The following AVPR1B variants were observed in gnomAD, a reference collection of about 807,000 sequenced individuals.
AVPR1B encodes arginine vasopressin receptor 1B.
AVPR1B carries 25 observed loss-of-function variants against 27.5 expected under a neutral mutation model. That is an observed-to-expected ratio of 0.91 (90% CI 0.66 to 1.27). AVPR1B has a LOEUF of 1.27. Among genes scored for constraint, AVPR1B ranks in the 50% most tolerant of loss-of-function variants. AVPR1B has a pLI of 0.00. For synonymous variants in AVPR1B, 248 were observed against 240.2 expected, an observed-to-expected ratio of 1.03 and a Z score of -0.30; for missense variants, 595 against 556.9, an observed-to-expected ratio of 1.07 and a Z score of -0.69.
At position 206,116,663 on chromosome 1, in the gene AVPR1B, T is replaced by A; in HGVS notation, c.228A>T (p.Leu76Phe). 1 of 1,611,920 alleles carries A rather than the reference T, an allele frequency of 6.2e-7. No individual in the cohort carries two copies. The highest frequency in any genetic ancestry group is 8.5e-7 in the Non-Finnish European group (1 of 1,178,958). ...GCGCCACGGCCAGGTCTGTCAGGGC[T>A]AAGTGCAGCACGAACAGGTGCATGC... Reference protein sequence around the residue: ...RSRMHLFVLHLALTDLAVALF... With the variant: ...RSRMHLFVLHFALTDLAVALF... Residue 76 changes from leucine (L) to phenylalanine (F), a missense_variant, in exon 1 of 2, where the codon TTA becomes TTT. By Grantham distance (22) the Leu-to-Phe change is conservative. Coordinates refer to ENST00000367126, the MANE Select transcript of AVPR1B (RefSeq NM_000707.5).
In AVPR1B at chr1:206,110,554, A is replaced by G. The variant is rs1411413306; in HGVS notation, c.941-31T>C. ...AAGAGAGAAGCATGAGAAGCCTCAG[A>G]ATGGCAGCTCGAAGGGACCTGGGAG... On this transcript the variant is annotated intron_variant, in intron 1 of 1. Coordinates refer to ENST00000367126, the MANE Select transcript of AVPR1B (RefSeq NM_000707.5). 6 of 1,564,498 alleles carry G rather than the reference A, an allele frequency of 3.8e-6. No homozygotes were observed. The African/African-American group carries it at 8.1e-5, about 21-fold the overall frequency.
In AVPR1B at chr1:206,110,279, T is replaced by TAGGCTGAGGCTG; in HGVS notation, c.1173_1184dup (p.Ser392_Leu395dup). 6.2e-7 allele frequency: 1 copy of TAGGCTGAGGCTG among 1,613,964 alleles called. No individual in the cohort carries two copies. The highest frequency in any genetic ancestry group is 8.5e-7 in the Non-Finnish European group (1 of 1,179,994). ...CAGGCCTGGGCCTCCCACTGAGGGT[T>TAGGCTGAGGCTG]AGGCTGAGGCTGAGGCTGAGGGTGG... On this transcript the variant is annotated inframe_insertion, in exon 2 of 2. Coordinates refer to ENST00000367126, the MANE Select transcript of AVPR1B (RefSeq NM_000707.5).
intron 1 of AVPR1B, among the ~76,000 whole-genome samples, chr1:206,113,327 GC>G (rs1663410135): frequency 6.6e-6 from 1 of 151,566 alleles, no homozygotes; most frequent in Non-Finnish European, 1.5e-5. Context: ...AAGGAAACAA[GC>G]AGGCTCTGAC....
rs190678420 is a variant in AVPR1B, at chr1:206,109,052, T to A, written c.*1137A>T. Among the ~76,000 whole-genome samples, 17 of 152,366 alleles carry A rather than the reference T, an allele frequency of 1.1e-4. No individual in the cohort carries two copies. The highest frequency in any genetic ancestry group is 3.8e-4 in the African/African-American group (16 of 41,592). The stretch of plus-strand genomic sequence containing the variant: ...CTTTGTGTTTCTCTGTAACACCATT[T>A]CCAGTATTGCAGAGTCATGGAAGGT... On this transcript the variant is annotated 3_prime_UTR_variant, in exon 2 of 2. Transcript: ENST00000367126.
intron 1 of AVPR1B, among the ~76,000 whole-genome samples, chr1:206,113,735 G>A (rs1260114636): frequency 6.6e-6 from 1 of 152,250 alleles, no homozygotes; most frequent in Non-Finnish European, 1.5e-5. Flanking sequence ...TGACCTGGAT[G>A]AAGCTTGGCC....
Position 206,116,162 on chromosome 1 carries a change from G to A in AVPR1B, c.729C>T (p.Gly243=). 1 of 1,567,186 alleles carries A rather than the reference G, an allele frequency of 6.4e-7. No homozygotes were observed. Among genetic ancestry groups the A allele is most frequent in the Non-Finnish European group, 8.7e-7 (1 of 1,150,738 alleles). ...KTQAWRVGGG[G]WRTWDRPSPS... ...GTGAGGGCCTGTCCCAAGTCCTCCA[G>A]CCCCCTCCTCCCACCCGCCAGGCCT... Residue 243 remains glycine, a synonymous_variant, in exon 1 of 2, where the codon GGC becomes GGT. Transcript: ENST00000367126.
At chr1:206,112,931 C>T (rs35489935) in intron 1 of AVPR1B, among the ~76,000 whole-genome samples, 2,401 of 152,338 alleles carry the variant, frequency 0.016, 76 homozygotes, top group African/African-American at 0.055. Flanking sequence ...CAAGCTCAGC[C>T]TTCCTTCCGT....
intron 1 of AVPR1B, among the ~76,000 whole-genome samples, chr1:206,115,575 G>A (rs1663449346): frequency 6.6e-6 from 1 of 152,172 alleles, no homozygotes. Flanking sequence ...GTGCAGGAGG[G>A]ACAAGGCTGA....
chr1:206,108,929 G>A lies in AVPR1B; in HGVS notation c.*1260C>T, dbSNP rs1553289314. ...GGACAAAAGTGGACAGTATGGCCAT[G>A]GTGGGACCCACCGTCACCAGAATTG... On this transcript the variant is annotated 3_prime_UTR_variant, in exon 2 of 2. Transcript: ENST00000367126. Among the ~76,000 whole-genome samples, 2 of 152,244 alleles carry A rather than the reference G, an allele frequency of 1.3e-5. No homozygotes were observed. The highest frequency in any genetic ancestry group is 2.4e-5 in the African/African-American group (1 of 41,470).
At position 206,110,406 on chromosome 1, in the gene AVPR1B, A is replaced by G; in HGVS notation, c.1058T>C (p.Leu353Pro). ...SHLLPRPLRH[L>P]ACCGGPQPRM... is the part of the protein sequence containing the mutation. ...GGGCTGGGGACCCCCACAGCAGGCA[A>G]GGTGACGCAGGGGCCGCGGTAACAG... is the stretch of plus-strand genomic sequence containing the variant. Residue 353 changes from leucine (L) to proline (P), a missense_variant, in exon 2 of 2, where the codon CTT becomes CCT. Physicochemically the swap from Leu to Pro is moderately conservative, Grantham distance 98. Transcript: ENST00000367126. 1.2e-6 allele frequency: 2 copies of G among 1,613,362 alleles called. No individual in the cohort carries two copies. The highest frequency in any genetic ancestry group is 1.1e-5 in the South Asian group (1 of 91,008).
At chr1:206,112,614 T>C (rs1474176239) in intron 1 of AVPR1B, among the ~76,000 whole-genome samples, 1 of 152,166 alleles carries the variant, frequency 6.6e-6, no homozygotes, top group Non-Finnish European at 1.5e-5. Flanking sequence ...CCTCGGTAGA[T>C]GGGACCAGAG....
In AVPR1B at chr1:206,110,168, C is replaced by T. The variant is rs1553289527; in HGVS notation, c.*21G>A. 11 of 1,589,774 alleles carry T rather than the reference C, an allele frequency of 6.9e-6. No individual in the cohort carries two copies. The highest frequency in any genetic ancestry group is 9.4e-6 in the Non-Finnish European group (11 of 1,165,120). Reference sequence around the variant, plus strand: ...ACCTCCACTAGTCCTGGGGGCAGTACCAGACCCCAGCGAGTCTTTCCTAAA... The same window carrying T: ...ACCTCCACTAGTCCTGGGGGCAGTATCAGACCCCAGCGAGTCTTTCCTAAA... On this transcript the variant is annotated 3_prime_UTR_variant, in exon 2 of 2. Transcript: ENST00000367126.
Position 206,109,508 on chromosome 1 carries a change from C to T in AVPR1B, c.*681G>A, listed in dbSNP as rs981858652. On this transcript the variant is annotated 3_prime_UTR_variant, in exon 2 of 2. Coordinates refer to ENST00000367126, the MANE Select transcript of AVPR1B (RefSeq NM_000707.5). ...CCACAGAGAATATACAACACTTTCCCGTCATCCACGCTGTCATGGGGGGTG... is the reference window on the plus strand; with the variant it reads ...CCACAGAGAATATACAACACTTTCCTGTCATCCACGCTGTCATGGGGGGTG... 2.0e-5 allele frequency among the ~76,000 whole-genome samples: 3 copies of T among 151,756 alleles called. No individual in the cohort carries two copies. Among genetic ancestry groups the T allele is most frequent in the Non-Finnish European group, 2.9e-5 (2 of 67,988 alleles).
Position 206,115,936 on chromosome 1 carries a change from A to G in AVPR1B, c.940+15T>C, listed in dbSNP as rs781806130. On this transcript the variant is annotated intron_variant, in intron 1 of 1. Transcript: ENST00000367126. ...GTCTCTCCCACCTCACTGCCCCCAC[A>G]TAGACCCCACTTGCCTTCATCAGGG... 7 of 1,579,800 alleles carry G rather than the reference A, an allele frequency of 4.4e-6. No homozygotes were observed. The South Asian group carries it at 5.9e-5, about 13-fold the overall frequency.
Position 206,116,597 on chromosome 1 carries a change from G to T in AVPR1B, c.294C>A (p.Tyr98Ter). Residue 98 changes from tyrosine (Y) to a stop codon, truncating the protein, a stop_gained, in exon 1 of 2, where the codon TAC (tyrosine) becomes TAA (stop). Coordinates refer to ENST00000367126, the MANE Select transcript of AVPR1B (RefSeq NM_000707.5). LOFTEE classifies it high-confidence loss of function. ...ACAGGAGGTCGGGGCCCTGGAAGCG[G>T]TAGGTGATGTCCCACAGCAGCTGTG... ...VLPQLLWDIT[Y>*]RFQGPDLLCR... is the part of the protein sequence containing the mutation. 6.2e-7 allele frequency: 1 copy of T among 1,614,154 alleles called. No homozygotes were observed.
In AVPR1B at chr1:206,115,982, C is replaced by T. The variant is rs781979852; in HGVS notation, c.909G>A (p.Trp303Ter). The change falls in exon 1 of 2, where the codon TGG becomes TGA. Residue 303 changes from tryptophan (W) to a stop codon, truncating the protein, a stop_gained. Coordinates refer to ENST00000367126, the MANE Select transcript of AVPR1B (RefSeq NM_000707.5). LOFTEE classifies it high-confidence loss of function. ...CWAPFFSVQM[W>*]SVWDKNAPDE... ...CAGGGGCATTCTTGTCCCACACGGACCACATCTGGACACTGAAGAAGGGAG... is the reference window on the plus strand; with the variant it reads ...CAGGGGCATTCTTGTCCCACACGGATCACATCTGGACACTGAAGAAGGGAG... 6.2e-7 allele frequency: 1 copy of T among 1,610,854 alleles called. No individual in the cohort carries two copies. The highest frequency in any genetic ancestry group is 1.7e-4 in the Middle Eastern group (1 of 6,050).
At position 206,110,238 on chromosome 1, in the gene AVPR1B, T is replaced by A. The variant is rs1553289558; in HGVS notation, c.1226A>T (p.Asp409Val). ...GCCTTCCCCATCTGCCAGCTCCAAG[T>A]CCCTTGGTGACTCTTCAGGCCTGGG... ...GRPRPEESPR[D>V]LELADGEGTA... The change falls in exon 2 of 2, where the codon GAC becomes GTC. Residue 409 changes from aspartate to valine, a missense_variant. Coordinates refer to ENST00000367126, the MANE Select transcript of AVPR1B (RefSeq NM_000707.5). The A allele has an allele frequency of 6.2e-7, 1 of 1,613,754 alleles. No individual in the cohort carries two copies. Among genetic ancestry groups the A allele is most frequent in the Non-Finnish European group, 8.5e-7 (1 of 1,179,806 alleles).
Position 206,108,996 on chromosome 1 carries a change from A to G in AVPR1B, c.*1193T>C, listed in dbSNP as rs1368427103. ...AATGCCATTGTCATAAAAATGCAAC[A>G]ACTCTTCTAGACCCTGTTGGTTATA... is the stretch of plus-strand genomic sequence containing the variant. On this transcript the variant is annotated 3_prime_UTR_variant, in exon 2 of 2. Coordinates refer to ENST00000367126, the MANE Select transcript of AVPR1B (RefSeq NM_000707.5). Among the ~76,000 whole-genome samples, 1 of 152,228 alleles carries G rather than the reference A, an allele frequency of 6.6e-6. No individual in the cohort carries two copies. The highest frequency in any genetic ancestry group is 6.5e-5 in the Admixed American group (1 of 15,288).
At chr1:206,112,166 G>A (rs1663392671) in intron 1 of AVPR1B, among the ~76,000 whole-genome samples, 2 of 152,146 alleles carry the variant, frequency 1.3e-5, no homozygotes, top group South Asian at 2.1e-4. Context: ...TTGCACTCCA[G>A]CCTGGGTGAC....
Sources: gnomAD v4.1 joint callset for allele counts (sites outside exome capture counted in the v4.1 genomes callset) on GRCh38, gnomAD v4.1.1 for gene constraint, MANE v1.5 for transcripts, NCBI Gene and HGNC (gene_info 2026-07-23, HGNC 2026-07-21) for gene names.